C1QTNF7: variants seen among roughly 807,000 people sequenced by gnomAD.
The protein encoded by C1QTNF7 is C1q and TNF related 7, also known as complement C1q tumor necrosis factor-related protein 7.
Under a neutral mutation model 19.6 loss-of-function variants are expected in C1QTNF7, and 15 were observed. The observed-to-expected ratio is 0.76, with a 90% CI of 0.51 to 1.18. The LOEUF is 1.18. Among genes scored for constraint, C1QTNF7 ranks in the 50% most tolerant of loss-of-function variants. The probability of loss-of-function intolerance (pLI) is 0.00; values close to 1 mark genes in which losing one functional copy is unlikely to be tolerated. For synonymous variants in C1QTNF7, 142 were observed against 137.5 expected (o/e 1.03, Z -0.23); for missense variants, 324 against 359.7 (o/e 0.90, Z 0.80).
At chr4:15,388,738 C>T (rs971777192) in intron 1 of C1QTNF7, among the ~76,000 whole-genome samples, 2 of 152,092 alleles carry the variant, frequency 1.3e-5, no homozygotes, top group Non-Finnish European at 2.9e-5. Context: ...GATGAGTCTT[C>T]CAAGTAGACA....
intron 2 of C1QTNF7, among the ~76,000 whole-genome samples, chr4:15,436,843 T>A (rs1712558845): frequency 1.3e-5 from 2 of 152,148 alleles, no homozygotes. Context: ...AAGGAAAAAA[T>A]TCTATATAAC....
At chr4:15,411,851 C>G (rs539509630) in intron 1 of C1QTNF7, among the ~76,000 whole-genome samples, 3 of 152,124 alleles carry the variant, frequency 2.0e-5, no homozygotes, top group African/African-American at 7.2e-5. Context: ...CTTGCCTTTT[C>G]TATCTTCTAG....
In C1QTNF7 at chr4:15,444,197, T is replaced by G. The variant is rs1011400388; in HGVS notation, c.*1398T>G. 2.0e-5 allele frequency: 3 copies of G among 152,214 alleles called. No homozygotes were observed. The highest frequency in any genetic ancestry group is 2.0e-4 in the Admixed American group (3 of 15,282). 9.4% of individuals were successfully genotyped at this position (152,214 alleles called of 1,614,324 possible). ...TCTGCTCATTGACTTATAAATAGTTTTCATACCTCTTATGTTTGAATCACC... is the reference window on the plus strand; with the variant it reads ...TCTGCTCATTGACTTATAAATAGTTGTCATACCTCTTATGTTTGAATCACC... On this transcript the variant is annotated 3_prime_UTR_variant, in exon 3 of 3. Coordinates refer to ENST00000444304, the MANE Select transcript of C1QTNF7 (RefSeq NM_031911.5).
At chr4:15,429,445 T>C (rs1712208936) in intron 1 of C1QTNF7, among the ~76,000 whole-genome samples, 1 of 152,326 alleles carries the variant, frequency 6.6e-6, no homozygotes, top group East Asian at 1.9e-4. Context: ...TCTTGATGAA[T>C]GTGACTACTC....
At chr4:15,383,993 A>G (rs1053764273) in intron 1 of C1QTNF7, among the ~76,000 whole-genome samples, 1 of 152,236 alleles carries the variant, frequency 6.6e-6, no homozygotes, top group Non-Finnish European at 1.5e-5. Flanking sequence ...CTTGGAGAGG[A>G]AAGAGATGGA....
At chr4:15,431,205 A>G (rs889521806) in intron 1 of C1QTNF7, among the ~76,000 whole-genome samples, 1 of 152,184 alleles carries the variant, frequency 6.6e-6, no homozygotes, top group Non-Finnish European at 1.5e-5. Context: ...TATATGATGG[A>G]TTTTTTTAGC....
chr4:15,395,826 A>G (rs13106702), intron 1 of C1QTNF7, among the ~76,000 whole-genome samples: 54,771 of 151,986 alleles, frequency 0.36, 10,159 homozygotes, highest in East Asian at 0.55. Flanking sequence ...AGAAAAATGA[A>G]GCTGGGAGGG....
At chr4:15,394,859 C>G (rs1718724638) in intron 1 of C1QTNF7, among the ~76,000 whole-genome samples, 1 of 151,792 alleles carries the variant, frequency 6.6e-6, no homozygotes, top group Non-Finnish European at 1.5e-5. Context: ...ATATCGGCAC[C>G]CAAGGGGATT....
intron 1 of C1QTNF7, among the ~76,000 whole-genome samples, chr4:15,360,667 T>A (rs1717310191): frequency 6.6e-6 from 1 of 152,158 alleles, no homozygotes; most frequent in Non-Finnish European, 1.5e-5. Flanking sequence ...GGACACTTGT[T>A]TACAGTGTGA....
chr4:15,392,534 C>T (rs1718597860), intron 1 of C1QTNF7, among the ~76,000 whole-genome samples: 1 of 152,216 alleles, frequency 6.6e-6, no homozygotes, highest in Admixed American at 6.5e-5. Context: ...CCCTGAGGCA[C>T]ATTCACATCT....
At chr4:15,344,671 G>A (rs1343807744) in intron 1 of C1QTNF7, among the ~76,000 whole-genome samples, 1 of 152,158 alleles carries the variant, frequency 6.6e-6, no homozygotes, top group Non-Finnish European at 1.5e-5. Context: ...CGATCAGCAG[G>A]TTCCAAACTT....
intron 1 of C1QTNF7, among the ~76,000 whole-genome samples, chr4:15,392,737 C>A (rs763942369): frequency 6.6e-6 from 1 of 152,164 alleles, no homozygotes; most frequent in Admixed American, 6.5e-5. Context: ...TTCCTTTCTC[C>A]CTCACCTAGC....
chr4:15,389,869 G>C (rs939069645), intron 1 of C1QTNF7, among the ~76,000 whole-genome samples: 4 of 152,108 alleles, frequency 2.6e-5, no homozygotes, highest in African/African-American at 9.7e-5. Flanking sequence ...AGGAAATGAG[G>C]CTCACACCGT....
intron 1 of C1QTNF7, among the ~76,000 whole-genome samples, chr4:15,364,075 T>TA (rs1173875047): frequency 7.9e-5 from 12 of 152,236 alleles, no homozygotes; most frequent in Non-Finnish European, 5.9e-5. Context: ...CCACTATGGC[T>TA]ACCATTCTGG....
At chr4:15,417,352 A>C (rs925647368) in intron 1 of C1QTNF7, among the ~76,000 whole-genome samples, 2 of 152,194 alleles carry the variant, frequency 1.3e-5, no homozygotes, top group Non-Finnish European at 2.9e-5. Flanking sequence ...GAAAACTATC[A>C]ATCTGCTTTC....
chr4:15,435,789 G>C lies in C1QTNF7; in HGVS notation c.46G>C (p.Gly16Arg), dbSNP rs1233685707. The C allele has an allele frequency of 1.9e-6, 3 of 1,614,080 alleles. No individual in the cohort carries two copies. The Admixed American group carries it at 5.0e-5, about 27-fold the overall frequency. The change falls in exon 2 of 3, where the codon GGA (glycine) becomes CGA (arginine). Residue 16 changes from glycine (G) to arginine (R), a missense_variant. Coordinates refer to ENST00000444304, the MANE Select transcript of C1QTNF7 (RefSeq NM_031911.5). ...YVTSFAICAS[G>R]QPRGNQLKGE... ...TACAAGTTTTGCCATTTGTGCCAGTGGACAACCCCGGGGTAATCAGTTGAA... is the reference window on the plus strand; with the variant it reads ...TACAAGTTTTGCCATTTGTGCCAGTCGACAACCCCGGGGTAATCAGTTGAA...
intron 1 of C1QTNF7, among the ~76,000 whole-genome samples, chr4:15,434,418 C>T (rs1317525503): frequency 2.0e-5 from 3 of 152,220 alleles, no homozygotes; most frequent in African/African-American, 7.2e-5. Flanking sequence ...AATTTTCTCA[C>T]ATGGCTGTCA....
intron 1 of C1QTNF7, among the ~76,000 whole-genome samples, chr4:15,416,049 A>T (rs1719593657): frequency 6.6e-6 from 1 of 152,170 alleles, no homozygotes; most frequent in Non-Finnish European, 1.5e-5. Flanking sequence ...ATTACATCCT[A>T]AGGGTGAAAG....
At chr4:15,365,800 C>T (rs1717495297) in intron 1 of C1QTNF7, among the ~76,000 whole-genome samples, 1 of 152,136 alleles carries the variant, frequency 6.6e-6, no homozygotes, top group Non-Finnish European at 1.5e-5. Flanking sequence ...AGGGACTCCT[C>T]CCTCCCAACG....
Sources: allele counts gnomAD v4.1 joint callset (sites outside exome capture counted in the v4.1 genomes callset), GRCh38; gene constraint gnomAD v4.1.1; transcripts MANE v1.5; gene names NCBI Gene and HGNC (gene_info 2026-07-23, HGNC 2026-07-21).